PCP4: variants seen among roughly 807,000 people sequenced by gnomAD.
PCP4 encodes calmodulin regulator protein PCP4.
Under a neutral mutation model 10.0 loss-of-function variants are expected in PCP4, and 8 were observed. The observed-to-expected ratio is 0.80, with a 90% CI of 0.47 to 1.45. The LOEUF (loss-of-function observed/expected upper bound fraction) is 1.45, where lower values mean the gene tolerates loss of function less well. PCP4 is among the 40% of genes most tolerant of loss of function. PCP4 has a pLI of 0.00. For synonymous variants in PCP4, 21 were observed against 23.0 expected (o/e 0.91, Z 0.24); for missense variants, 54 against 74.4 (o/e 0.73, Z 1.01).
Position 39,898,507 on chromosome 21 carries a change from A to T in PCP4, c.41A>T (p.Asp14Val), listed in dbSNP as rs1418852648. The change falls in exon 2 of 3, where the codon GAC (aspartate) becomes GTC (valine). Residue 14 changes from aspartate (D) to valine (V), a missense_variant. By Grantham distance (152) the Asp-to-Val change is radical. Transcript: ENST00000328619. Reference protein sequence around the residue: ...RQGAGATNGKDKTSGENDGQK... With the variant: ...RQGAGATNGKVKTSGENDGQK... ...GGTGCTGGGGCAACCAATGGAAAAG[A>T]CAAGACATCTGGTGAAAATGGTAAG... 1 of 1,614,104 alleles carries T rather than the reference A, an allele frequency of 6.2e-7. No individual in the cohort carries two copies.
chr21:39,882,836 C>T (rs16998810), intron 1 of PCP4, among the ~76,000 whole-genome samples: 5,072 of 152,304 alleles, frequency 0.033, 284 homozygotes, highest in African/African-American at 0.11. Context: ...CTCTTGGCAT[C>T]GGGCTGGTCA....
intron 2 of PCP4, among the ~76,000 whole-genome samples, chr21:39,900,371 G>T (rs2837277): frequency 0.14 from 20,716 of 152,064 alleles, 1,596 homozygotes; most frequent in Middle Eastern, 0.23. Flanking sequence ...CCATTTTAAA[G>T]AATTCTTGAG....
chr21:39,906,028 T>C lies in PCP4; in HGVS notation c.61+7501T>C, dbSNP rs764314473. 3.3e-5 allele frequency among the ~76,000 whole-genome samples: 5 copies of C among 152,176 alleles called. No individual in the cohort carries two copies. The highest frequency in any genetic ancestry group is 1.9e-4 in the East Asian group (1 of 5,180). ...CCATGCCACTGCACTCCAACCTGGG[T>C]GACAGAGCGAGACTCCGTCTCAAAA... is the stretch of plus-strand genomic sequence containing the variant. On this transcript the variant is annotated intron_variant, in intron 2 of 2. Transcript: ENST00000328619. The surrounding 1 kb of genome is among the most constrained non-coding windows in gnomAD (Gnocchi z 6.3).
chr21:39,880,445 C>G (rs539473639), intron 1 of PCP4, among the ~76,000 whole-genome samples: 1 of 152,038 alleles, frequency 6.6e-6, no homozygotes, highest in African/African-American at 2.4e-5. Flanking sequence ...GCATGTACAT[C>G]TGTGTGTGCG....
chr21:39,917,434 C>T lies in PCP4; in HGVS notation c.62-11550C>T, dbSNP rs3787932. Among the ~76,000 whole-genome samples, 209 of 152,326 alleles carry T rather than the reference C, an allele frequency of 1.4e-3. 5 individuals carry two copies. In the East Asian group the frequency reaches 0.022, roughly 16 times the overall value. ...CGGCAGACTTCCACCCCTGAGACATCGGGGAATGATGTCCTCCAGCTTCTC... is the reference window on the plus strand; with the variant it reads ...CGGCAGACTTCCACCCCTGAGACATTGGGGAATGATGTCCTCCAGCTTCTC... On this transcript the variant is annotated intron_variant, in intron 2 of 2. Coordinates refer to ENST00000328619, the MANE Select transcript of PCP4 (RefSeq NM_006198.3).
At chr21:39,911,126 A>G (rs904007079) in intron 2 of PCP4, among the ~76,000 whole-genome samples, 3 of 152,096 alleles carry the variant, frequency 2.0e-5, no homozygotes, top group Non-Finnish European at 2.9e-5. Context: ...AGTCCACAGG[A>G]GAAATACGAT....
chr21:39,929,350 A>G lies in PCP4; in HGVS notation c.*239A>G, dbSNP rs76277527. On this transcript the variant is annotated 3_prime_UTR_variant, in exon 3 of 3. Coordinates refer to ENST00000328619, the MANE Select transcript of PCP4 (RefSeq NM_006198.3). ...CTCCATTTTCATTCCTCCTGCAACT[A>G]TTTTCCTTGATGTTGTAATAAAATG... 1,215 of 340,146 alleles carry G rather than the reference A, an allele frequency of 3.6e-3. 20 individuals carry two copies. Among genetic ancestry groups the G allele is most frequent in the African/African-American group, 0.023 (1,105 of 47,280 alleles). 21.1% of individuals were successfully genotyped at this position (340,146 alleles called of 1,614,324 possible). A position where few individuals can be genotyped will look rare whatever the true frequency, so the allele number is the denominator to read the frequency against.
intron 1 of PCP4, among the ~76,000 whole-genome samples, chr21:39,891,597 G>T (rs1470901620): frequency 6.6e-6 from 1 of 152,210 alleles, no homozygotes; most frequent in Non-Finnish European, 1.5e-5. Flanking sequence ...TGGGCCTGGG[G>T]GACCACTACC....
intron 1 of PCP4, among the ~76,000 whole-genome samples, chr21:39,879,241 G>A (rs540287915): frequency 2.6e-5 from 4 of 151,966 alleles, no homozygotes; most frequent in Non-Finnish European, 1.5e-5. Context: ...TGCTTGCCTC[G>A]GCCTCCCAAA....
chr21:39,903,394 A>G (rs1202236081), intron 2 of PCP4, among the ~76,000 whole-genome samples: 1 of 148,100 alleles, frequency 6.8e-6, no homozygotes, highest in Non-Finnish European at 1.5e-5. Flanking sequence ...TAAATGCTAC[A>G]GAGGAAAGGT....
intron 1 of PCP4, among the ~76,000 whole-genome samples, chr21:39,877,001 G>T (rs1323552064): frequency 6.6e-6 from 1 of 152,194 alleles, no homozygotes; most frequent in East Asian, 1.9e-4. Context: ...ATTCAAAGTG[G>T]TCATTTTAAA....
chr21:39,898,662 A>T lies in PCP4; in HGVS notation c.61+135A>T, dbSNP rs1433613633. On this transcript the variant is annotated intron_variant, in intron 2 of 2. Transcript: ENST00000328619. ...TGCGCTTCAGCTTACAGAGGATTTTAGCAATTCACAGTGAGCACTGAGGTC... is the reference window on the plus strand; with the variant it reads ...TGCGCTTCAGCTTACAGAGGATTTTTGCAATTCACAGTGAGCACTGAGGTC... 9 of 663,398 alleles carry T rather than the reference A, an allele frequency of 1.4e-5. No individual in the cohort carries two copies. The Admixed American group carries it at 2.5e-4, about 18-fold the overall frequency. The allele number at this position is 663,398 out of a possible 1,614,324, so 41.1% of individuals were successfully genotyped here. A position where few individuals can be genotyped will look rare whatever the true frequency, so the allele number is the denominator to read the frequency against.
intron 2 of PCP4, among the ~76,000 whole-genome samples, chr21:39,918,772 G>A (rs577901198): frequency 1.6e-4 from 25 of 152,310 alleles, no homozygotes; most frequent in African/African-American, 5.1e-4. Context: ...AGGCAGGAAC[G>A]AGAAGTGGCT....
At chr21:39,870,268 G>T (rs974996576) in intron 1 of PCP4, among the ~76,000 whole-genome samples, 2 of 152,230 alleles carry the variant, frequency 1.3e-5, no homozygotes, top group Non-Finnish European at 2.9e-5. Context: ...AAAGTACAGC[G>T]AGGAAAGTAA....
At chr21:39,928,081 T>G (rs2087633465) in intron 2 of PCP4, among the ~76,000 whole-genome samples, 1 of 152,096 alleles carries the variant, frequency 6.6e-6, no homozygotes, top group African/African-American at 2.4e-5. Flanking sequence ...GAACAGGTGG[T>G]GTTTGGTTAC....
intron 2 of PCP4, among the ~76,000 whole-genome samples, chr21:39,903,488 T>C (rs1309626110): frequency 6.6e-6 from 1 of 152,196 alleles, no homozygotes; most frequent in Non-Finnish European, 1.5e-5. Flanking sequence ...GCTCCATGCT[T>C]GAATACCTGT....
chr21:39,904,388 T>C (rs1332339342), intron 2 of PCP4, among the ~76,000 whole-genome samples: 1 of 152,164 alleles, frequency 6.6e-6, no homozygotes, highest in Admixed American at 6.5e-5. Flanking sequence ...CTCTCCTTGG[T>C]ATGTGGAATT....
At chr21:39,895,466 C>T (rs1388564721) in intron 1 of PCP4, among the ~76,000 whole-genome samples, 2 of 152,198 alleles carry the variant, frequency 1.3e-5, no homozygotes, top group Non-Finnish European at 2.9e-5. Context: ...ACTCCCCACC[C>T]GCTGATAGAG....
intron 1 of PCP4, among the ~76,000 whole-genome samples, chr21:39,879,234 T>C (rs1057408554): frequency 1.3e-5 from 2 of 152,054 alleles, no homozygotes; most frequent in African/African-American, 4.8e-5. Context: ...AGTGATCTGC[T>C]TGCCTCGGCC....
Sources: allele counts gnomAD v4.1 joint callset (sites outside exome capture counted in the v4.1 genomes callset), GRCh38; gene constraint gnomAD v4.1.1; non-coding constraint Gnocchi (gnomAD v3.1); transcripts MANE v1.5; gene names NCBI Gene and HGNC (gene_info 2026-07-23, HGNC 2026-07-21).